ETNK2: variants seen among roughly 807,000 people sequenced by gnomAD.
The protein encoded by ETNK2 is ethanolamine kinase 2.
In ETNK2, 33 loss-of-function variants were observed where a neutral mutation model predicts 46.2. That is an observed-to-expected ratio of 0.71 (90% CI 0.54 to 0.96). The LOEUF is 0.96. Ranked by LOEUF, ETNK2 falls within the 40% of genes least tolerant of loss-of-function variation. The pLI, the probability that ETNK2 is intolerant of heterozygous loss-of-function variation, is 0.00. For synonymous variants in ETNK2, 194 were observed against 209.0 expected, an observed-to-expected ratio of 0.93 and a Z score of 0.62; for missense variants, 445 against 509.7, an observed-to-expected ratio of 0.87 and a Z score of 1.22.
chr1:204,136,403 G>GTATATATATATATATATATATA (rs35373627), intron 6 of ETNK2, among the ~76,000 whole-genome samples: 82 of 139,800 alleles, frequency 5.9e-4, no homozygotes, highest in African/African-American at 1.3e-3. Context: ...CTCAAAAAAA[G>GTATATATATATATATATATATA]TATATATATA....
chr1:204,141,555 C>T, intron 3 of ETNK2, 98 bp from the exon 4 acceptor site: 1 of 1,358,622 alleles, frequency 7.4e-7, no homozygotes, highest in Non-Finnish European at 1.0e-6. Flanking sequence ...CTCCCTCTGT[C>T]TTACTGCAGG....
intron 4 of ETNK2, among the ~76,000 whole-genome samples, chr1:204,140,721 C>T (rs1172185333): frequency 4.6e-5 from 7 of 151,714 alleles, no homozygotes; most frequent in Non-Finnish European, 8.8e-5. Flanking sequence ...GATGGGGTTT[C>T]GCCATGTTGG....
rs976428468 is a variant in ETNK2, at chr1:204,151,227, T to C, written c.258+368A>G. On this transcript the variant is annotated intron_variant, in intron 1 of 7. Coordinates refer to ENST00000367202, the MANE Select transcript of ETNK2 (RefSeq NM_018208.4). The surrounding 1 kb of genome is among the most constrained non-coding windows in gnomAD (Gnocchi z 8.0). ...GGCTGGGTCGGGGGGGCGGGGGGTCTCTTAAAAGTTCCCGCCTCCTCAGGT... is the reference window on the plus strand; with the variant it reads ...GGCTGGGTCGGGGGGGCGGGGGGTCCCTTAAAAGTTCCCGCCTCCTCAGGT... 5.3e-6 allele frequency: 2 copies of C among 374,646 alleles called. No homozygotes were observed. Among genetic ancestry groups the C allele is most frequent in the Non-Finnish European group, 9.7e-6 (2 of 206,462 alleles). 23.2% of individuals were successfully genotyped at this position (374,646 alleles called of 1,614,324 possible).
intron 6 of ETNK2, among the ~76,000 whole-genome samples, chr1:204,134,957 G>A (rs1657225613): frequency 6.6e-6 from 1 of 152,172 alleles, no homozygotes; most frequent in Admixed American, 6.5e-5. Flanking sequence ...TCAAGGCCAA[G>A]GTAGGATCCA....
intron 3 of ETNK2, among the ~76,000 whole-genome samples, chr1:204,145,833 T>A (rs1204867418): frequency 6.6e-6 from 1 of 152,170 alleles, no homozygotes; most frequent in African/African-American, 2.4e-5. Flanking sequence ...ACTATTGCCT[T>A]TTTTTGGAGG....
chr1:204,146,916 G>A, intron 2 of ETNK2, 152 bp from the exon 3 acceptor site: 2 of 906,554 alleles, frequency 2.2e-6, no homozygotes, highest in East Asian at 2.6e-5. Context: ...TAGGAGCACA[G>A]GTCCTGCAGA....
At chr1:204,145,421 C>T (rs923621352) in intron 3 of ETNK2, among the ~76,000 whole-genome samples, 16 of 152,210 alleles carry the variant, frequency 1.1e-4, no homozygotes, top group African/African-American at 1.7e-4. Context: ...CCCTGGGCCT[C>T]GGTTTTCCAC....
intron 5 of ETNK2, among the ~76,000 whole-genome samples, chr1:204,139,618 C>G (rs1657420532): frequency 6.6e-6 from 1 of 152,208 alleles, no homozygotes; most frequent in Admixed American, 6.5e-5. Flanking sequence ...TACCCTGGCC[C>G]TGGTCCCCAT....
At chr1:204,150,225 G>C (rs903291409) in intron 1 of ETNK2, among the ~76,000 whole-genome samples, 2 of 152,112 alleles carry the variant, frequency 1.3e-5, no homozygotes, top group Admixed American at 1.3e-4. Flanking sequence ...TAGTGAATGG[G>C]ATTTGGCAGT....
intron 1 of ETNK2, 98 bp from the exon 2 acceptor site, chr1:204,150,060 T>G (rs1657947343): frequency 6.6e-6 from 9 of 1,357,994 alleles, no homozygotes; most frequent in Non-Finnish European, 8.0e-6. Context: ...GGTGCTCATT[T>G]GAATGCCGAG....
chr1:204,132,900 G>A (rs1399358464), intron 7 of ETNK2, among the ~76,000 whole-genome samples: 2 of 151,914 alleles, frequency 1.3e-5, no homozygotes, highest in African/African-American at 4.8e-5. Flanking sequence ...TTGGACAACC[G>A]AAACTAGACC....
chr1:204,149,589 A>C, intron 2 of ETNK2, 114 bp downstream of exon 2: 1 of 1,325,566 alleles, frequency 7.5e-7, no homozygotes, highest in Admixed American at 2.7e-5. Context: ...TTTTCATGCA[A>C]TTTCAGGGAA....
At chr1:204,150,531 C>G (rs1054588154) in intron 1 of ETNK2, 3 of 154,166 alleles carry the variant, frequency 1.9e-5, no homozygotes, top group African/African-American at 7.2e-5. Flanking sequence ...GGGCTGCGAG[C>G]AAGGTTCTCT....
At chr1:204,134,437 G>A (rs375729615) in intron 7 of ETNK2, 78 bp downstream of exon 7, 3 of 1,508,970 alleles carry the variant, frequency 2.0e-6, no homozygotes, top group Non-Finnish European at 2.7e-6. Flanking sequence ...ATTCTGCCTG[G>A]GCTGTCCTTT....
intron 1 of ETNK2, among the ~76,000 whole-genome samples, chr1:204,150,199 C>T (rs1278116255): frequency 6.6e-6 from 1 of 152,208 alleles, no homozygotes; most frequent in African/African-American, 2.4e-5. Flanking sequence ...CTCCCACACA[C>T]TCCTGGGTGT....
chr1:204,134,832 C>T, intron 6 of ETNK2: 2 of 836,468 alleles, frequency 2.4e-6, no homozygotes, highest in Admixed American at 2.8e-5. Context: ...CTAATGTTTA[C>T]CAACCCTAAG....
rs45596637 is a variant in ETNK2 at position 204,147,496 on chromosome 1, G to C, written c.519-732C>G. The C allele has an allele frequency of 2.5e-4, 134 of 533,178 alleles. 1 individual carries two copies. Among genetic ancestry groups the C allele is most frequent in the Non-Finnish European group, 3.5e-5 (9 of 259,890 alleles). 33.0% of individuals were successfully genotyped at this position (533,178 alleles called of 1,614,324 possible). A position where few individuals can be genotyped will look rare whatever the true frequency, so the allele number is the denominator to read the frequency against. ...GGAGGGCCTTGATAAAGACCCCATC[G>C]CCCGAGGCCCTGTGTCCCAGCTGGG... On this transcript the variant is annotated intron_variant, in intron 2 of 7. Transcript: ENST00000367202.
chr1:204,144,452 TG>T (rs1278243810), intron 3 of ETNK2, among the ~76,000 whole-genome samples: 1 of 151,606 alleles, frequency 6.6e-6, no homozygotes, highest in African/African-American at 2.4e-5. Context: ...GCTCAAAGTT[TG>T]GGAATCCTAG....
Position 204,151,259 on chromosome 1 carries a change from G to A in ETNK2, c.258+336C>T. On this transcript the variant is annotated intron_variant, in intron 1 of 7. Coordinates refer to ENST00000367202, the MANE Select transcript of ETNK2 (RefSeq NM_018208.4). The surrounding 1 kb of genome is among the most constrained non-coding windows in gnomAD (Gnocchi z 8.0). Reference sequence around the variant, plus strand: ...AGTTCCCGCCTCCTCAGGTTTCAGAGCTGGCTGGGTACGCGCTTCTGGTCA... The same window carrying A: ...AGTTCCCGCCTCCTCAGGTTTCAGAACTGGCTGGGTACGCGCTTCTGGTCA... The A allele has an allele frequency of 2.2e-6, 1 of 449,858 alleles. No homozygotes were observed. Among genetic ancestry groups the A allele is most frequent in the Admixed American group, 4.3e-5 (1 of 23,506 alleles). The allele number at this position is 449,858 out of a possible 1,614,324, so 27.9% of individuals were successfully genotyped here. A position where few individuals can be genotyped will look rare whatever the true frequency, so the allele number is the denominator to read the frequency against.
Sources: gnomAD v4.1 joint callset for allele counts (sites outside exome capture counted in the v4.1 genomes callset) on GRCh38, gnomAD v4.1.1 for gene constraint, Gnocchi (gnomAD v3.1) non-coding constraint, MANE v1.5 for transcripts, NCBI Gene and HGNC (gene_info 2026-07-23, HGNC 2026-07-21) for gene names.